Variants in CTDP1 observed in about 807,000 individuals in gnomAD.
The protein encoded by CTDP1 is CTD phosphatase 1.
Under a neutral mutation model 91.8 loss-of-function variants are expected in CTDP1, and 47 were observed. That is an observed-to-expected ratio of 0.51 (90% CI 0.41 to 0.65). CTDP1 has a LOEUF of 0.65. Ranked by LOEUF, CTDP1 falls within the 30% of genes least tolerant of loss-of-function variation. The pLI, the probability that CTDP1 is intolerant of heterozygous loss-of-function variation, is 0.00. For synonymous variants in CTDP1, 656 were observed against 598.5 expected (o/e 1.10, Z -1.40); for missense variants, 1,272 against 1,373.7 (o/e 0.93, Z 1.17).
chr18:79,741,702 G>C (rs1459945740), intron 12 of CTDP1, among the ~76,000 whole-genome samples: 1 of 152,234 alleles, frequency 6.6e-6, no homozygotes, highest in Admixed American at 6.5e-5. Context: ...GCCTGCGTGG[G>C]AGACACAGGG....
chr18:79,710,697 T>G (rs1176415722), intron 6 of CTDP1, among the ~76,000 whole-genome samples: 1 of 133,788 alleles, frequency 7.5e-6, no homozygotes, highest in Non-Finnish European at 1.6e-5. Context: ...TTTTTTTTTT[T>G]TTTTTTTTTT....
rs756212491 is a variant in CTDP1 at position 79,714,881 on chromosome 18, C to T, written c.1421C>T (p.Ser474Phe). Residue 474 changes from serine (S) to phenylalanine (F), a missense_variant, in exon 8 of 13, where the codon TCT becomes TTT. This residue lies in a region of CTDP1 where 881 missense variants were observed against 911.6 expected (regional missense o/e 0.97). Coordinates refer to ENST00000613122, the MANE Select transcript of CTDP1 (RefSeq NM_004715.5). ...SEGTKSSSSA[S>F]DGESEGKRGR... ...GGCACGAAGTCCTCCTCCTCCGCCT[C>T]TGATGGCGAAAGCGAGGGGAAAAGA... is the stretch of plus-strand genomic sequence containing the variant. 6.3e-7 allele frequency: 1 copy of T among 1,579,790 alleles called. No homozygotes were observed. Among genetic ancestry groups the T allele is most frequent in the Non-Finnish European group, 8.6e-7 (1 of 1,163,554 alleles).
At position 79,712,965 on chromosome 18, in the gene CTDP1, C is replaced by A. The variant is rs539445284; in HGVS notation, c.864-7C>A. 1.2e-6 allele frequency: 2 copies of A among 1,613,534 alleles called. No homozygotes were observed. The highest frequency in any genetic ancestry group is 3.3e-5 in the Admixed American group (2 of 59,980). On this transcript the variant is annotated splice_polypyrimidine_tract_variant and splice_region_variant and intron_variant, in intron 6 of 12. Transcript: ENST00000613122. ...ATTTTTTGTAAATTATGCATTTTCA[C>A]TTGTAGAAATCTCTTTCCTTGTGGA...
intron 1 of CTDP1, among the ~76,000 whole-genome samples, chr18:79,689,760 G>C (rs147052851): frequency 6.6e-6 from 1 of 152,342 alleles, no homozygotes; most frequent in East Asian, 1.9e-4. Flanking sequence ...CAAACTAGGT[G>C]ACGGAGCGAG....
chr18:79,748,036 T>A (rs1289915443), intron 12 of CTDP1, among the ~76,000 whole-genome samples: 3 of 152,226 alleles, frequency 2.0e-5, no homozygotes, highest in Admixed American at 2.0e-4. Flanking sequence ...GAGATAAATG[T>A]TAAAGCTGTA....
intron 4 of CTDP1, chr18:79,703,183 T>G (rs2085895700): frequency 6.6e-6 from 1 of 152,226 alleles, no homozygotes; most frequent in Non-Finnish European, 1.5e-5. Context: ...TTCATGACGG[T>G]CGTGACTAAC....
intron 8 of CTDP1, among the ~76,000 whole-genome samples, chr18:79,715,935 G>A (rs2122641565): frequency 6.6e-6 from 1 of 152,350 alleles, no homozygotes; most frequent in African/African-American, 2.4e-5. Flanking sequence ...AACGTGCACA[G>A]AAGGACACGT....
chr18:79,720,502 ATCGTGTCCTAGTGATGATGTCACCACCCG>A (rs2086321354), intron 10 of CTDP1, among the ~76,000 whole-genome samples: 1 of 146,556 alleles, frequency 6.8e-6, no homozygotes, highest in Admixed American at 6.8e-5. Flanking sequence ...GTCACCTCCC[ATCGTGTCCTAGTGATGATGTCACCACCCG>A]TCATTAGCGC....
intron 10 of CTDP1, among the ~76,000 whole-genome samples, chr18:79,726,882 CCG>C (rs1289832499): frequency 8.5e-6 from 1 of 117,696 alleles, no homozygotes; most frequent in Non-Finnish European, 1.8e-5. Context: ...TGGGGTGACG[CCG>C]TTGCTGGTGG....
At chr18:79,742,693 C>T (rs911863037) in intron 12 of CTDP1, among the ~76,000 whole-genome samples, 5 of 152,220 alleles carry the variant, frequency 3.3e-5, no homozygotes, top group Non-Finnish European at 1.5e-5. Flanking sequence ...GGCTGTGGCT[C>T]ACGCCTGTAA....
intron 12 of CTDP1, among the ~76,000 whole-genome samples, chr18:79,750,668 CTTTTTTTTTT>C (rs749153854): frequency 6.4e-5 from 6 of 94,230 alleles, no homozygotes; most frequent in Admixed American, 1.1e-4. Context: ...TAATTTTTTG[CTTTTTTTTTT>C]TTTTTTTTTT....
chr18:79,699,019 ACT>A (rs1343425234), intron 4 of CTDP1, among the ~76,000 whole-genome samples: 1 of 151,966 alleles, frequency 6.6e-6, no homozygotes, highest in South Asian at 2.1e-4. Context: ...GGTGGCACAA[ACT>A]CTCGCGTTTT....
At position 79,698,005 on chromosome 18, in the gene CTDP1, T is replaced by C. The variant is rs112822941; in HGVS notation, c.621+17T>C. ...TCGAATAAAGTGAGTGCAGTCAGCA[T>C]CTACGGACAGTTTCCCAGGAACCGC... is the stretch of plus-strand genomic sequence containing the variant. On this transcript the variant is annotated intron_variant, in intron 4 of 12. Transcript: ENST00000613122. The C allele has an allele frequency of 1.2e-3, 1,970 of 1,614,130 alleles. 26 individuals carry two copies. In the African/African-American group the frequency reaches 0.023, roughly 19 times the overall value.
Position 79,714,689 on chromosome 18 carries a change from C to G in CTDP1, c.1229C>G (p.Ala410Gly). 6.2e-7 allele frequency: 1 copy of G among 1,609,866 alleles called. No homozygotes were observed. Among genetic ancestry groups the G allele is most frequent in the Non-Finnish European group, 8.5e-7 (1 of 1,178,608 alleles). Residue 410 changes from alanine (A) to glycine (G), a missense_variant, in exon 8 of 13, where the codon GCC becomes GGC. This residue lies in a region of CTDP1 where 881 missense variants were observed against 911.6 expected (regional missense o/e 0.97). Coordinates refer to ENST00000613122, the MANE Select transcript of CTDP1 (RefSeq NM_004715.5). Reference sequence around the variant, plus strand: ...GACGAGAGGGACATCTGGCCCCCTGCCCAGGCCCCCACCAGCAGCCAAGAG... The same window carrying G: ...GACGAGAGGGACATCTGGCCCCCTGGCCAGGCCCCCACCAGCAGCCAAGAG... ...KPDERDIWPP[A>G]QAPTSSQELA... is the part of the protein sequence containing the mutation.
At chr18:79,679,394 AG>A (rs1438835940), upstream of CTDP1, 12 of 455,250 alleles carry the variant, frequency 2.6e-5, no homozygotes, top group Non-Finnish European at 5.3e-5. Context: ...TGCGACTCAC[AG>A]TGCGCGATGG....
At chr18:79,680,523 T>G (rs1393617767) in intron 1 of CTDP1, among the ~76,000 whole-genome samples, 2 of 152,266 alleles carry the variant, frequency 1.3e-5, no homozygotes, top group African/African-American at 4.8e-5. Flanking sequence ...GTTTGTTTCT[T>G]TCTTTCTGCA....
chr18:79,701,549 A>G (rs1363020800), intron 4 of CTDP1, among the ~76,000 whole-genome samples: 2 of 149,602 alleles, frequency 1.3e-5, no homozygotes, highest in Non-Finnish European at 3.0e-5. Context: ...AAATAAATAA[A>G]TAAATAAATA....
chr18:79,720,399 C>T (rs568667166), intron 10 of CTDP1, among the ~76,000 whole-genome samples: 195 of 147,704 alleles, frequency 1.3e-3, no homozygotes, highest in African/African-American at 4.7e-3. Context: ...CACCTCCCGT[C>T]ATTAGGAAGG....
In CTDP1 at chr18:79,704,958, G is replaced by A. The variant is rs749327390; in HGVS notation, c.772+41G>A. ...GCCGAAGAGGCCGTGTGAACAGTGGGTTTCTTTCCTGTTTTCGGTGATGGT... is the reference window on the plus strand; with the variant it reads ...GCCGAAGAGGCCGTGTGAACAGTGGATTTCTTTCCTGTTTTCGGTGATGGT... On this transcript the variant is annotated intron_variant, in intron 5 of 12. Coordinates refer to ENST00000613122, the MANE Select transcript of CTDP1 (RefSeq NM_004715.5). 6 of 1,610,244 alleles carry A rather than the reference G, an allele frequency of 3.7e-6. No homozygotes were observed. The East Asian group carries it at 8.9e-5, about 24-fold the overall frequency.
Sources: allele counts gnomAD v4.1 joint callset (sites outside exome capture counted in the v4.1 genomes callset), GRCh38; gene constraint gnomAD v4.1.1; regional missense constraint gnomAD v4.1.1; transcripts MANE v1.5; gene names NCBI Gene and HGNC (gene_info 2026-07-23, HGNC 2026-07-21).